Variants in CTNNA3 observed in about 807,000 individuals in gnomAD.
CTNNA3 encodes the protein catenin alpha-3.
CTNNA3 carries 76 observed loss-of-function variants against 95.7 expected under a neutral mutation model. The observed-to-expected ratio is 0.79, with a 90% CI of 0.66 to 0.96. The LOEUF (loss-of-function observed/expected upper bound fraction) is 0.96, where lower values mean the gene tolerates loss of function less well. CTNNA3 is among the 40% of genes least tolerant of loss of function. The probability of loss-of-function intolerance (pLI) is 0.00; values close to 1 mark genes in which losing one functional copy is unlikely to be tolerated. For missense variants in CTNNA3, 1,191 were observed against 1,089.8 expected (o/e 1.09, Z -1.31); for synonymous variants, 431 against 374.4 (o/e 1.15, Z -1.74).
At chr10:66,861,390 C>T (rs556450982) in intron 7 of CTNNA3, among the ~76,000 whole-genome samples, 1 of 152,040 alleles carries the variant, frequency 6.6e-6, no homozygotes, top group South Asian at 2.1e-4. Context: ...TGTGCACATT[C>T]GGTTCACTGA....
At chr10:67,042,565 T>G (rs968395682) in intron 7 of CTNNA3, among the ~76,000 whole-genome samples, 7 of 151,370 alleles carry the variant, frequency 4.6e-5, no homozygotes, top group Non-Finnish European at 8.8e-5. Flanking sequence ...ACATATAAGG[T>G]AAGAAAAGGG....
At chr10:66,327,494 G>A (rs780134144) in intron 12 of CTNNA3, among the ~76,000 whole-genome samples, 4 of 152,020 alleles carry the variant, frequency 2.6e-5, no homozygotes, top group Non-Finnish European at 5.9e-5. Flanking sequence ...AGGACCTAAA[G>A]AATTTAGAAA....
At chr10:66,931,454 T>C (rs192074929) in intron 7 of CTNNA3, among the ~76,000 whole-genome samples, 3 of 152,334 alleles carry the variant, frequency 2.0e-5, no homozygotes, top group Admixed American at 1.3e-4. Flanking sequence ...TGACATTACA[T>C]CTTTTCAAAG....
chr10:66,116,656 C>CA (rs2082352947), intron 13 of CTNNA3, among the ~76,000 whole-genome samples: 1 of 152,132 alleles, frequency 6.6e-6, no homozygotes, highest in Admixed American at 6.6e-5. Context: ...TCTGCTCTCA[C>CA]ACTGCTATGA....
At chr10:65,985,923 T>C (rs2078418658) in intron 16 of CTNNA3, among the ~76,000 whole-genome samples, 1 of 151,590 alleles carries the variant, frequency 6.6e-6, no homozygotes, top group Admixed American at 6.6e-5. Flanking sequence ...TAGTTATTTT[T>C]AAACATATAA....
chr10:66,245,967 C>T (rs4388764), intron 13 of CTNNA3, among the ~76,000 whole-genome samples: 3 of 151,962 alleles, frequency 2.0e-5, no homozygotes, highest in African/African-American at 7.2e-5. Flanking sequence ...GGCTCATGGG[C>T]AACCATTGGT....
chr10:66,228,661 C>A (rs1442554672), intron 13 of CTNNA3, among the ~76,000 whole-genome samples: 2 of 152,026 alleles, frequency 1.3e-5, no homozygotes, highest in Non-Finnish European at 2.9e-5. Flanking sequence ...TCTATTTGGT[C>A]TATATTGCAG....
At chr10:66,442,115 T>C (rs181882516) in intron 11 of CTNNA3, among the ~76,000 whole-genome samples, 347 of 152,320 alleles carry the variant, frequency 2.3e-3, no homozygotes, top group African/African-American at 8.2e-3. Flanking sequence ...GACATTTTTC[T>C]TGTAACTATT....
intron 6 of CTNNA3, among the ~76,000 whole-genome samples, chr10:67,201,816 G>C (rs560699253): frequency 6.6e-6 from 1 of 152,242 alleles, no homozygotes; most frequent in East Asian, 1.9e-4. Context: ...GATCAGCTAC[G>C]TGATTTGGAA....
At chr10:67,229,331 G>T (rs1263058794) in intron 5 of CTNNA3, among the ~76,000 whole-genome samples, 2 of 152,042 alleles carry the variant, frequency 1.3e-5, no homozygotes, top group Non-Finnish European at 2.9e-5. Flanking sequence ...TGGAATAAAA[G>T]CCATCTATGA....
At chr10:67,726,176 T>C (rs1418852836) in intron 1 of CTNNA3, among the ~76,000 whole-genome samples, 3 of 107,518 alleles carry the variant, frequency 2.8e-5, no homozygotes, top group South Asian at 5.7e-4. Flanking sequence ...TATATAATAA[T>C]ATATATTATT....
At chr10:67,704,894 T>A (rs1227256137) in intron 1 of CTNNA3, among the ~76,000 whole-genome samples, 2 of 152,048 alleles carry the variant, frequency 1.3e-5, no homozygotes, top group Admixed American at 6.5e-5. Flanking sequence ...AAAGGGCTAA[T>A]ATCCAGAATC....
chr10:67,189,423 TTAATAA>T (rs999537716), intron 6 of CTNNA3, among the ~76,000 whole-genome samples: 1 of 152,020 alleles, frequency 6.6e-6, no homozygotes, highest in Non-Finnish European at 1.5e-5. Context: ...GTAACTATAG[TTAATAA>T]TAATGTACTG....
intron 7 of CTNNA3, among the ~76,000 whole-genome samples, chr10:66,825,351 C>A (rs2132303595): frequency 6.6e-6 from 1 of 150,938 alleles, no homozygotes; most frequent in Admixed American, 6.6e-5. Context: ...TCTCAGCTCA[C>A]TGCAACCTCC....
intron 17 of CTNNA3, among the ~76,000 whole-genome samples, chr10:65,935,833 G>T (rs774716119): frequency 2.0e-5 from 3 of 152,106 alleles, no homozygotes; most frequent in Non-Finnish European, 4.4e-5. Context: ...AGTATAGAAG[G>T]CTAGGGGTAT....
At chr10:66,825,706 C>A (rs1349319399) in intron 7 of CTNNA3, among the ~76,000 whole-genome samples, 2 of 152,066 alleles carry the variant, frequency 1.3e-5, no homozygotes, top group African/African-American at 2.4e-5. Flanking sequence ...GCTAGCCAAA[C>A]TTTTTTTTCT....
chr10:66,921,249 G>A (rs1846770361), intron 7 of CTNNA3, among the ~76,000 whole-genome samples: 1 of 152,048 alleles, frequency 6.6e-6, no homozygotes, highest in African/African-American at 2.4e-5. Context: ...TGTCATGAGG[G>A]CTCCAATACC....
rs576283087 is a variant in CTNNA3 at position 66,509,838 on chromosome 10, A to G, written c.1531+10779T>C. ...AACTAACTATATTATATTTTGTACTATCGCCAGTTTTACCCTTTTGGCTTG... is the reference window on the plus strand; with the variant it reads ...AACTAACTATATTATATTTTGTACTGTCGCCAGTTTTACCCTTTTGGCTTG... On this transcript the variant is annotated intron_variant, in intron 11 of 17. Transcript: ENST00000433211. Among the ~76,000 whole-genome samples the G allele has an allele frequency of 3.3e-5, 5 of 151,962 alleles. No individual in the cohort carries two copies. In the East Asian group the frequency reaches 5.8e-4, roughly 18 times the overall value.
intron 9 of CTNNA3, among the ~76,000 whole-genome samples, chr10:66,665,284 G>A (rs1252976464): frequency 6.6e-6 from 1 of 152,138 alleles, no homozygotes; most frequent in Admixed American, 6.5e-5. Context: ...GTAAGAATTG[G>A]TTCATGGAGG....
Sources: allele counts gnomAD v4.1 joint callset (sites outside exome capture counted in the v4.1 genomes callset), GRCh38; gene constraint gnomAD v4.1.1; transcripts MANE v1.5; gene names NCBI Gene and HGNC (gene_info 2026-07-23, HGNC 2026-07-21).